HELLS: variants seen among roughly 807,000 people sequenced by gnomAD.
HELLS encodes lymphoid-specific helicase.
In HELLS, 32 loss-of-function variants were observed where a neutral mutation model predicts 120.0. That is an observed-to-expected ratio of 0.27 (90% CI 0.20 to 0.36). HELLS has a LOEUF of 0.36. HELLS is among the 10% of genes least tolerant of loss of function. HELLS has a pLI of 1.00. For synonymous variants in HELLS, 341 were observed against 323.4 expected, an observed-to-expected ratio of 1.05 and a Z score of -0.58; for missense variants, 650 against 993.4, an observed-to-expected ratio of 0.65 and a Z score of 4.65.
intron 18 of HELLS, among the ~76,000 whole-genome samples, chr10:94,594,360 A>G (rs1845642161): frequency 1.3e-5 from 2 of 152,056 alleles, no homozygotes; most frequent in African/African-American, 4.8e-5. Context: ...CAAAAAATGT[A>G]AAAATTAGTG....
chr10:94,590,610 C>T (rs1203114762), intron 14 of HELLS, 28 bp from the exon 15 acceptor site: 3 of 1,604,020 alleles, frequency 1.9e-6, no homozygotes, highest in South Asian at 1.1e-5. Context: ...TTTTGCATTT[C>T]CCATATATGC....
chr10:94,571,377 CA>C lies in HELLS; in HGVS notation c.436-8del. 6.8e-7 allele frequency: 1 copy of C among 1,466,468 alleles called. No individual in the cohort carries two copies. The highest frequency in any genetic ancestry group is 1.2e-5 in the South Asian group (1 of 84,580). The allele number at this position is 1,466,468 out of a possible 1,614,324, so 90.8% of individuals were successfully genotyped here. The stretch of plus-strand genomic sequence containing the variant: ...CATTATTAATTTGTTTTTGTTTTCT[CA>C]AACTACTAGGAAATTTTGTCTGTGG... On this transcript the variant is annotated splice_polypyrimidine_tract_variant and intron_variant, in intron 6 of 21. Coordinates refer to ENST00000348459, the MANE Select transcript of HELLS (RefSeq NM_018063.5).
intron 2 of HELLS, among the ~76,000 whole-genome samples, chr10:94,553,791 G>T (rs1843105019): frequency 6.6e-6 from 1 of 151,104 alleles, no homozygotes; most frequent in Non-Finnish European, 1.5e-5. Context: ...CAGGTGATCC[G>T]CCTGCTTTGG....
chr10:94,589,881 G>T (rs932386593), intron 13 of HELLS, among the ~76,000 whole-genome samples: 7 of 151,758 alleles, frequency 4.6e-5, no homozygotes, highest in Non-Finnish European at 1.0e-4. Flanking sequence ...TAGAGACGGG[G>T]TTTCACCATG....
chr10:94,590,924 T>A, intron 15 of HELLS, 148 bp downstream of exon 15: 1 of 471,542 alleles, frequency 2.1e-6, no homozygotes, highest in Non-Finnish European at 3.5e-6. Context: ...GCTGAGACAG[T>A]CTTCTTTCCG....
chr10:94,583,196 C>T (rs1288524582), intron 12 of HELLS, 137 bp downstream of exon 12: 1 of 447,570 alleles, frequency 2.2e-6, no homozygotes, highest in Non-Finnish European at 3.9e-6. Context: ...ACTCCTTTGT[C>T]CTTTCTTCTC....
At chr10:94,580,139 ATATATATATATATATATATATAT>A (rs1844766332) in intron 10 of HELLS, among the ~76,000 whole-genome samples, 1 of 70,766 alleles carries the variant, frequency 1.4e-5, no homozygotes, top group African/African-American at 7.2e-5. Flanking sequence ...ATATATATAT[ATATATATATATATATATATATAT>A]ACACACACAC....
intron 2 of HELLS, among the ~76,000 whole-genome samples, chr10:94,551,395 G>A (rs1589698226): frequency 1.3e-5 from 2 of 151,910 alleles, no homozygotes; most frequent in South Asian, 4.2e-4. Flanking sequence ...GTGAAAGCCC[G>A]TCTCTACTAA....
intron 9 of HELLS, among the ~76,000 whole-genome samples, chr10:94,575,788 TGTGTGTG>T: frequency 6.8e-6 from 1 of 148,106 alleles, no homozygotes; most frequent in South Asian, 2.2e-4. Flanking sequence ...TGTGTGTGTG[TGTGTGTG>T]TGTGTGTGTG....
In HELLS at chr10:94,545,874, T is replaced by C; in HGVS notation, c.-48T>C. 1 of 1,549,670 alleles carries C rather than the reference T, an allele frequency of 6.5e-7. No individual in the cohort carries two copies. Among genetic ancestry groups the C allele is most frequent in the Non-Finnish European group, 8.7e-7 (1 of 1,145,016 alleles). ...GTTGTGAGGAGTTAGCTCGCGGCATTGCAGGCTCTGAGAGGAGGGGACCCG... is the reference window on the plus strand; with the variant it reads ...GTTGTGAGGAGTTAGCTCGCGGCATCGCAGGCTCTGAGAGGAGGGGACCCG... On this transcript the variant is annotated 5_prime_UTR_variant, in exon 1 of 22. Coordinates refer to ENST00000348459, the MANE Select transcript of HELLS (RefSeq NM_018063.5).
intron 12 of HELLS, among the ~76,000 whole-genome samples, chr10:94,586,375 C>T (rs1455438215): frequency 6.6e-6 from 1 of 152,210 alleles, no homozygotes; most frequent in Non-Finnish European, 1.5e-5. Flanking sequence ...CCTGCCTTGG[C>T]CTCCCAAAGT....
chr10:94,601,095 A>G (rs1454243337), intron 21 of HELLS, among the ~76,000 whole-genome samples: 1 of 152,188 alleles, frequency 6.6e-6, no homozygotes, highest in Non-Finnish European at 1.5e-5. Context: ...TTAGGAGACT[A>G]CATATTGTCA....
intron 10 of HELLS, among the ~76,000 whole-genome samples, chr10:94,580,043 CT>C: frequency 6.7e-6 from 1 of 149,106 alleles, no homozygotes; most frequent in East Asian, 2.0e-4. Flanking sequence ...ACTGAGTTCA[CT>C]TGCTAATTTG....
intron 17 of HELLS, among the ~76,000 whole-genome samples, chr10:94,593,049 T>C (rs553601458): frequency 6.6e-6 from 1 of 152,330 alleles, no homozygotes; most frequent in Admixed American, 6.5e-5. Context: ...GGGTAAAATT[T>C]ACACATACTG....
chr10:94,550,364 C>A (rs1448785800), intron 2 of HELLS, among the ~76,000 whole-genome samples: 1 of 151,962 alleles, frequency 6.6e-6, no homozygotes, highest in Non-Finnish European at 1.5e-5. Flanking sequence ...CTGCGACCTT[C>A]ACCTGCCGGG....
intron 12 of HELLS, chr10:94,583,992 G>T: frequency 1.6e-6 from 1 of 625,606 alleles, no homozygotes; most frequent in South Asian, 2.1e-5. Context: ...CCTTAGGAAA[G>T]AATTCCTAGA....
chr10:94,603,889 G>A (rs894940117), downstream of HELLS, among the ~76,000 whole-genome samples: 2 of 151,820 alleles, frequency 1.3e-5, no homozygotes, highest in African/African-American at 4.8e-5. Flanking sequence ...GTGCAGTAGT[G>A]CAATCTCAGC....
intron 10 of HELLS, 89 bp from the exon 11 acceptor site, chr10:94,581,237 C>T: frequency 1.4e-6 from 1 of 709,754 alleles, no homozygotes; most frequent in Non-Finnish European, 2.3e-6. Context: ...ACATCCATCC[C>T]TCATAATAGA....
chr10:94,547,101 G>T (rs1842784233), intron 2 of HELLS, among the ~76,000 whole-genome samples: 1 of 152,108 alleles, frequency 6.6e-6, no homozygotes, highest in South Asian at 2.1e-4. Flanking sequence ...TAGTTTTCTT[G>T]TAGAGAGCAT....
Sources: allele counts gnomAD v4.1 joint callset (sites outside exome capture counted in the v4.1 genomes callset), GRCh38; gene constraint gnomAD v4.1.1; transcripts MANE v1.5; gene names NCBI Gene and HGNC (gene_info 2026-07-23, HGNC 2026-07-21).